LRRC4C: variants seen among roughly 807,000 people sequenced by gnomAD.
The protein encoded by LRRC4C is leucine-rich repeat-containing protein 4C.
Under a neutral mutation model 33.6 loss-of-function variants are expected in LRRC4C, and 5 were observed. That is an observed-to-expected ratio of 0.15 (90% CI 0.08 to 0.31). LRRC4C has a LOEUF of 0.31. Ranked by LOEUF, LRRC4C falls within the 10% of genes least tolerant of loss-of-function variation. The pLI, the probability that LRRC4C is intolerant of heterozygous loss-of-function variation, is 1.00. For synonymous variants in LRRC4C, 329 were observed against 302.0 expected, an observed-to-expected ratio of 1.09 and a Z score of -0.93; for missense variants, 560 against 796.7, an observed-to-expected ratio of 0.70 and a Z score of 3.58.
At chr11:40,700,167 C>T (rs996095282) in intron 2 of LRRC4C, among the ~76,000 whole-genome samples, 4 of 152,072 alleles carry the variant, frequency 2.6e-5, no homozygotes, top group Admixed American at 6.6e-5. Flanking sequence ...CTGTGTCTAA[C>T]GCCAAACAGA....
intron 2 of LRRC4C, among the ~76,000 whole-genome samples, chr11:40,927,861 C>A (rs1334568976): frequency 1.3e-5 from 2 of 152,112 alleles, no homozygotes; most frequent in East Asian, 3.8e-4. Flanking sequence ...TGCTGAATTA[C>A]TGGGGAGAGG....
Position 41,306,519 on chromosome 11 carries a change from C to T in LRRC4C, c.-496+152912G>A, listed in dbSNP as rs750947489. ...TCTTTCCCTCAAGAAATACACACTG[C>T]GCATATACTACACACCATGTGCTAT... On this transcript the variant is annotated intron_variant, in intron 1 of 6. Coordinates refer to ENST00000528697, the MANE Select transcript of LRRC4C (RefSeq NM_001258419.2). Among the ~76,000 whole-genome samples, 19 of 152,304 alleles carry T rather than the reference C, an allele frequency of 1.2e-4. No homozygotes were observed. The South Asian group carries it at 2.7e-3, about 22-fold the overall frequency.
chr11:40,252,643 T>C lies in LRRC4C; in HGVS notation c.-175-11045A>G, dbSNP rs987870928. Among the ~76,000 whole-genome samples the C allele has an allele frequency of 3.3e-5, 5 of 152,244 alleles. No homozygotes were observed. In the East Asian group the frequency reaches 9.6e-4, roughly 29 times the overall value. On this transcript the variant is annotated intron_variant, in intron 4 of 6. Transcript: ENST00000528697. ...CTCGAAACCCACAGGATGGCAAAGA[T>C]TAAAATAGCCCAGCTTATGGATGTG...
intron 1 of LRRC4C, among the ~76,000 whole-genome samples, chr11:41,390,418 T>C (rs1461859537): frequency 6.6e-6 from 1 of 151,838 alleles, no homozygotes; most frequent in Non-Finnish European, 1.5e-5. Flanking sequence ...GACTACAGAA[T>C]CTTGCATAAT....
intron 5 of LRRC4C, among the ~76,000 whole-genome samples, chr11:40,237,210 A>G (rs975239632): frequency 3.3e-5 from 5 of 152,192 alleles, no homozygotes; most frequent in African/African-American, 1.2e-4. Flanking sequence ...AGTGAATGAA[A>G]AGTGCAATCT....
intron 5 of LRRC4C, among the ~76,000 whole-genome samples, chr11:40,196,511 A>G (rs10837364): frequency 0.44 from 66,615 of 151,872 alleles, 14,869 homozygotes; most frequent in East Asian, 0.61. Context: ...ACCTTGGAAC[A>G]TTTTCCCACC....
At chr11:41,123,814 A>G (rs115704428) in intron 1 of LRRC4C, among the ~76,000 whole-genome samples, 1,757 of 152,296 alleles carry the variant, frequency 0.012, 37 homozygotes, top group African/African-American at 0.039. Context: ...ATCAATGCAG[A>G]GAAGAATAAG....
intron 2 of LRRC4C, among the ~76,000 whole-genome samples, chr11:40,801,112 T>C (rs115155788): frequency 0.029 from 4,370 of 152,278 alleles, 202 homozygotes; most frequent in African/African-American, 0.099. Flanking sequence ...TCACAATGAA[T>C]CACTCTCGCA....
chr11:41,087,846 C>T lies in LRRC4C; in HGVS notation c.-495-154123G>A, dbSNP rs146058915. Reference sequence around the variant, plus strand: ...CATTAAATAATGTGTTGGAAAAAGTCTTAAGTGTCTGATAAGTCTTTAGTA... The same window carrying T: ...CATTAAATAATGTGTTGGAAAAAGTTTTAAGTGTCTGATAAGTCTTTAGTA... On this transcript the variant is annotated intron_variant, in intron 1 of 6. Coordinates refer to ENST00000528697, the MANE Select transcript of LRRC4C (RefSeq NM_001258419.2). Among the ~76,000 whole-genome samples, 985 of 152,214 alleles carry T rather than the reference C, an allele frequency of 6.5e-3. 14 individuals are homozygous for T. Among genetic ancestry groups the T allele is most frequent in the African/African-American group, 0.022 (922 of 41,552 alleles).
intron 1 of LRRC4C, among the ~76,000 whole-genome samples, chr11:41,316,269 A>AAC (rs1293383029): frequency 2.7e-5 from 4 of 150,126 alleles, no homozygotes; most frequent in Admixed American, 6.7e-5. Flanking sequence ...TGGCAAAAAA[A>AAC]AAAAAAAAAA....
chr11:41,106,009 CT>C lies in LRRC4C; in HGVS notation c.-495-172287del, dbSNP rs1221025252. On this transcript the variant is annotated intron_variant, in intron 1 of 6. Coordinates refer to ENST00000528697, the MANE Select transcript of LRRC4C (RefSeq NM_001258419.2). ...CTCAGGTGTAATGTGTCATTTCATC[CT>C]TTTTTTCTTGATCCATTCAATCAAA... Among the ~76,000 whole-genome samples the C allele has an allele frequency of 7.9e-5, 12 of 151,934 alleles. No individual in the cohort carries two copies. In the South Asian group the frequency reaches 2.5e-3, roughly 31 times the overall value.
chr11:41,427,663 A>C (rs1437834951), intron 1 of LRRC4C, among the ~76,000 whole-genome samples: 2 of 152,186 alleles, frequency 1.3e-5, no homozygotes, highest in Non-Finnish European at 2.9e-5. Flanking sequence ...TGAGCTAAAA[A>C]GGAAAGTGTC....
intron 3 of LRRC4C, among the ~76,000 whole-genome samples, chr11:40,340,985 G>T (rs559452342): frequency 6.6e-6 from 1 of 152,088 alleles, no homozygotes; most frequent in Non-Finnish European, 1.5e-5. Context: ...TCATGTTTTG[G>T]TCGTGAGTGC....
intron 2 of LRRC4C, among the ~76,000 whole-genome samples, chr11:40,887,867 C>G (rs1424728454): frequency 6.6e-6 from 1 of 151,962 alleles, no homozygotes; most frequent in Admixed American, 6.6e-5. Flanking sequence ...TATTAAGGTA[C>G]TGCCTAGAAA....
chr11:41,300,215 T>A (rs969423005), intron 1 of LRRC4C, among the ~76,000 whole-genome samples: 1 of 152,184 alleles, frequency 6.6e-6, no homozygotes, highest in African/African-American at 2.4e-5. Flanking sequence ...CATGTTAAAA[T>A]TTGTGAGGTA....
chr11:40,837,170 G>T (rs1952709953), intron 2 of LRRC4C, among the ~76,000 whole-genome samples: 1 of 152,026 alleles, frequency 6.6e-6, no homozygotes, highest in African/African-American at 2.4e-5. Context: ...CTTATTTTTT[G>T]ATGCTTGCTC....
intron 1 of LRRC4C, among the ~76,000 whole-genome samples, chr11:41,065,998 G>A (rs1380734292): frequency 1.3e-5 from 2 of 152,156 alleles, no homozygotes; most frequent in Admixed American, 1.3e-4. Flanking sequence ...AAGCCAGAAT[G>A]CCTTTTCTCT....
At chr11:41,411,574 C>T (rs1005014933) in intron 1 of LRRC4C, among the ~76,000 whole-genome samples, 1 of 152,090 alleles carries the variant, frequency 6.6e-6, no homozygotes, top group African/African-American at 2.4e-5. Flanking sequence ...CATGTGAAAA[C>T]AAGATTCTAT....
chr11:40,780,295 T>C lies in LRRC4C; in HGVS notation c.-406-132017A>G, dbSNP rs182449980. Reference sequence around the variant, plus strand: ...AAATGTCAAAGTTTGAATGTATTTATGGTACTGCAGACTTCATTGTGGACC... The same window carrying C: ...AAATGTCAAAGTTTGAATGTATTTACGGTACTGCAGACTTCATTGTGGACC... On this transcript the variant is annotated intron_variant, in intron 2 of 6. Coordinates refer to ENST00000528697, the MANE Select transcript of LRRC4C (RefSeq NM_001258419.2). 3.8e-3 allele frequency among the ~76,000 whole-genome samples: 582 copies of C among 152,294 alleles called. 5 individuals carry two copies. The highest frequency in any genetic ancestry group is 0.014 in the African/African-American group (568 of 41,558).
Sources: gnomAD v4.1 joint callset for allele counts (sites outside exome capture counted in the v4.1 genomes callset) on GRCh38, gnomAD v4.1.1 for gene constraint, MANE v1.5 for transcripts, NCBI Gene and HGNC (gene_info 2026-07-23, HGNC 2026-07-21) for gene names.